The following CCDC63 variants were observed in gnomAD, a reference collection of about 807,000 sequenced individuals.
CCDC63 encodes the protein coiled-coil domain containing 63.
Under a neutral mutation model 63.6 loss-of-function variants are expected in CCDC63, and 54 were observed. That is an observed-to-expected ratio of 0.85 (90% confidence interval 0.68 to 1.07). The LOEUF (loss-of-function observed/expected upper bound fraction) is 1.07. Among genes scored for constraint, CCDC63 ranks in the 50% least tolerant of loss-of-function variants. The pLI, the probability that CCDC63 is intolerant of heterozygous loss-of-function variation, is 0.00. For synonymous variants in CCDC63, 253 were observed against 266.1 expected, an observed-to-expected ratio of 0.95 and a Z score of 0.48; for missense variants, 637 against 689.6, an observed-to-expected ratio of 0.92 and a Z score of 0.86.
In CCDC63 at chr12:110,881,183, T is replaced by C; in HGVS notation, c.740T>C (p.Leu247Pro). The C allele has an allele frequency of 6.2e-7, 1 of 1,613,496 alleles. No homozygotes were observed. The highest frequency in any genetic ancestry group is 1.1e-5 in the South Asian group (1 of 91,022). Residue 247 changes from leucine (L) to proline (P), a missense_variant, in exon 7 of 12, where the codon CTG becomes CCG. By Grantham distance (98) the Leu-to-Pro change is moderately conservative. Transcript: ENST00000308208. ...AAGAAGGACACCTCTCAGTACAACC[T>C]GGAGATCCGAGAGCTGGAGCGTCTC... ...RQKKDTSQYN[L>P]EIRELERLYA...
At chr12:110,849,105 C>T (rs2070674404) in intron 1 of CCDC63, among the ~76,000 whole-genome samples, 4 of 152,240 alleles carry the variant, frequency 2.6e-5, no homozygotes, top group Admixed American at 2.6e-4. Flanking sequence ...CCCTCAAAAA[C>T]ATCAGGGAAA....
chr12:110,898,639 G>A (rs1054906127), intron 9 of CCDC63, among the ~76,000 whole-genome samples: 4 of 149,854 alleles, frequency 2.7e-5, no homozygotes, highest in African/African-American at 4.9e-5. Flanking sequence ...AAAAAAATTC[G>A]TAATCCTGTA....
rs2071554283 is a variant in CCDC63 at position 110,905,878 on chromosome 12, G to A, written c.1546+1087G>A. ...TGTGTGTATGTGTATATATGTGTGTGTGTATATATATAATATTATATATAA... is the reference window on the plus strand; with the variant it reads ...TGTGTGTATGTGTATATATGTGTGTATGTATATATATAATATTATATATAA... On this transcript the variant is annotated intron_variant, in intron 11 of 11. Transcript: ENST00000308208. Among the ~76,000 whole-genome samples, 9 of 22,820 alleles carry A rather than the reference G, an allele frequency of 3.9e-4. No homozygotes were observed. The South Asian group carries it at 0.015, about 37-fold the overall frequency. The allele number at this position is 22,820 out of a possible 152,430, so 15.0% of individuals were successfully genotyped here. A position where few individuals can be genotyped will look rare whatever the true frequency, so the allele number is the denominator to read the frequency against.
intron 5 of CCDC63, among the ~76,000 whole-genome samples, chr12:110,879,052 G>A (rs1038806758): frequency 6.6e-6 from 1 of 152,058 alleles, no homozygotes; most frequent in Non-Finnish European, 1.5e-5. Context: ...CAAGTGTCAC[G>A]ACATTTCACC....
chr12:110,847,965 A>C (rs925880810), intron 1 of CCDC63, among the ~76,000 whole-genome samples: 2 of 152,244 alleles, frequency 1.3e-5, no homozygotes, highest in Non-Finnish European at 2.9e-5. Flanking sequence ...AGGACTATGG[A>C]TGCTGTGGTG....
At chr12:110,898,290 A>G (rs1188563174) in intron 9 of CCDC63, among the ~76,000 whole-genome samples, 1 of 151,360 alleles carries the variant, frequency 6.6e-6, no homozygotes, top group Non-Finnish European at 1.5e-5. Flanking sequence ...CCTTGTCTCA[A>G]AAATAAATAA....
At chr12:110,894,297 C>A (rs2071391614) in intron 9 of CCDC63, among the ~76,000 whole-genome samples, 1 of 152,226 alleles carries the variant, frequency 6.6e-6, no homozygotes, top group African/African-American at 2.4e-5. Context: ...ATTTAAACTT[C>A]ATTGGCCACC....
At chr12:110,857,284 C>CT (rs1053410847) in intron 3 of CCDC63, among the ~76,000 whole-genome samples, 2 of 151,824 alleles carry the variant, frequency 1.3e-5, no homozygotes, top group East Asian at 3.9e-4. Flanking sequence ...CACCACCCCC[C>CT]CCGGCTAATT....
At chr12:110,854,381 G>A (rs971736320) in intron 3 of CCDC63, among the ~76,000 whole-genome samples, 2 of 137,176 alleles carry the variant, frequency 1.5e-5, no homozygotes, top group Admixed American at 8.4e-5. Flanking sequence ...TGCAACCTCC[G>A]CCTCCCGGGT....
At chr12:110,890,468 T>C (rs564146763) in intron 8 of CCDC63, among the ~76,000 whole-genome samples, 43 of 152,316 alleles carry the variant, frequency 2.8e-4, no homozygotes, top group African/African-American at 9.4e-4. Flanking sequence ...TTTTCCAAAT[T>C]GTGTAAATAT....
chr12:110,902,602 C>G (rs779230322), intron 10 of CCDC63, among the ~76,000 whole-genome samples: 1 of 152,132 alleles, frequency 6.6e-6, no homozygotes, highest in South Asian at 2.1e-4. Context: ...TCCCTCTCAC[C>G]GCAGTCCTAG....
chr12:110,855,645 G>C (rs775093413), intron 3 of CCDC63, among the ~76,000 whole-genome samples: 3 of 152,028 alleles, frequency 2.0e-5, no homozygotes, highest in African/African-American at 4.8e-5. Flanking sequence ...GCAATGGTGC[G>C]ATCTTGGCTC....
rs529153701 is a variant in CCDC63 at position 110,854,976 on chromosome 12, C to T, written c.179+1402C>T. On this transcript the variant is annotated intron_variant, in intron 3 of 11. Transcript: ENST00000308208. Reference sequence around the variant, plus strand: ...AGCACGCCTGGCTAATTTTTTGTATCGATGGGGTTTCACCAAGTTGCCCAG... The same window carrying T: ...AGCACGCCTGGCTAATTTTTTGTATTGATGGGGTTTCACCAAGTTGCCCAG... Among the ~76,000 whole-genome samples, 39 of 151,668 alleles carry T rather than the reference C, an allele frequency of 2.6e-4. 1 individual carries two copies. In the South Asian group the frequency reaches 7.5e-3, roughly 29 times the overall value.
intron 7 of CCDC63, among the ~76,000 whole-genome samples, chr12:110,881,962 T>C (rs1244782098): frequency 6.6e-6 from 1 of 152,196 alleles, no homozygotes; most frequent in Non-Finnish European, 1.5e-5. Flanking sequence ...CTTTCTATTA[T>C]TTAGAAGGAG....
At chr12:110,853,250 T>C (rs2070728551) in intron 2 of CCDC63, among the ~76,000 whole-genome samples, 155 bp from the exon 3 acceptor site, 1 of 151,882 alleles carries the variant, frequency 6.6e-6, no homozygotes, top group Non-Finnish European at 1.5e-5. Context: ...GGGTTTTCCA[T>C]GTAATAGACA....
intron 4 of CCDC63, among the ~76,000 whole-genome samples, chr12:110,862,264 A>G (rs914468880): frequency 1.3e-5 from 2 of 152,190 alleles, no homozygotes; most frequent in African/African-American, 4.8e-5. Flanking sequence ...AGTGCAAACC[A>G]TCTTTGCCCA....
At position 110,904,641 on chromosome 12, in the gene CCDC63, A is replaced by C; in HGVS notation, c.1396A>C (p.Ile466Leu). ...DLLLLETYRRILEVEGAEAEI... is the reference protein window; with the variant it reads ...DLLLLETYRRLLEVEGAEAEI... ...GCTGCTGTTGGAGACCTACAGGCGC[A>C]TCCTGGAAGTGGAAGGGGCAGAGGC... is the stretch of plus-strand genomic sequence containing the variant. Residue 466 changes from isoleucine (I) to leucine (L), a missense_variant, in exon 11 of 12, where the codon ATC becomes CTC. Coordinates refer to ENST00000308208, the MANE Select transcript of CCDC63 (RefSeq NM_152591.3). The C allele has an allele frequency of 6.2e-7, 1 of 1,614,080 alleles. No homozygotes were observed. Among genetic ancestry groups the C allele is most frequent in the Non-Finnish European group, 8.5e-7 (1 of 1,180,012 alleles).
At chr12:110,906,347 GA>G (rs756883316) in intron 11 of CCDC63, among the ~76,000 whole-genome samples, 22 of 138,616 alleles carry the variant, frequency 1.6e-4, no homozygotes, top group Non-Finnish European at 1.6e-4. Flanking sequence ...GAGGAGGAGG[GA>G]GGGGCGATGA....
intron 4 of CCDC63, among the ~76,000 whole-genome samples, chr12:110,859,821 T>C (rs2070828857): frequency 1.3e-5 from 2 of 152,098 alleles, no homozygotes; most frequent in African/African-American, 4.8e-5. Context: ...TCATGCCCCT[T>C]ACCCTGGCTT....
Sources: allele counts gnomAD v4.1 joint callset (sites outside exome capture counted in the v4.1 genomes callset), GRCh38; gene constraint gnomAD v4.1.1; transcripts MANE v1.5; gene names NCBI Gene and HGNC (gene_info 2026-07-23, HGNC 2026-07-21).